Variants in CNTNAP2 observed in about 807,000 individuals in gnomAD.
CNTNAP2 encodes the protein contactin associated protein 2.
A neutral mutation model predicts 155.2 loss-of-function variants in CNTNAP2; 98 were observed. The ratio of observed to expected loss-of-function variants is 0.63; its 90% CI spans 0.54 to 0.75. The LOEUF is 0.75. Among genes scored for constraint, CNTNAP2 ranks in the 30% least tolerant of loss-of-function variants. The probability of loss-of-function intolerance (pLI) is 0.00; values close to 1 mark genes in which losing one functional copy is unlikely to be tolerated. For missense variants in CNTNAP2, 1,727 were observed against 1,688.1 expected, an observed-to-expected ratio of 1.02 and a Z score of -0.40; for synonymous variants, 651 against 631.2, an observed-to-expected ratio of 1.03 and a Z score of -0.47.
At chr7:146,695,280 C>G (rs1029528061) in intron 1 of CNTNAP2, among the ~76,000 whole-genome samples, 2 of 152,208 alleles carry the variant, frequency 1.3e-5, no homozygotes, top group Admixed American at 6.5e-5. Flanking sequence ...CTAATTTGTT[C>G]AGAGTTTTTA....
At chr7:147,624,771 AT>A (rs1305639397) in intron 12 of CNTNAP2, among the ~76,000 whole-genome samples, 1 of 152,198 alleles carries the variant, frequency 6.6e-6, no homozygotes, top group Non-Finnish European at 1.5e-5. Flanking sequence ...ACACAAAAGA[AT>A]GGAAATCAGT....
At position 146,312,805 on chromosome 7, in the gene CNTNAP2, C is replaced by T. The variant is rs529301168; in HGVS notation, c.97+195832C>T. On this transcript the variant is annotated intron_variant, in intron 1 of 23. Coordinates refer to ENST00000361727, the MANE Select transcript of CNTNAP2 (RefSeq NM_014141.6). ...GAGTCCATATATAAGTGAGATCATA[C>T]CGTATTTGTCTTTCTGTGTTTAGCT... is the stretch of plus-strand genomic sequence containing the variant. Among the ~76,000 whole-genome samples the T allele has an allele frequency of 2.0e-4, 30 of 152,194 alleles. 1 individual carries two copies. In the South Asian group the frequency reaches 6.2e-3, roughly 32 times the overall value.
intron 9 of CNTNAP2, among the ~76,000 whole-genome samples, chr7:147,343,803 G>A (rs1795802051): frequency 6.6e-6 from 1 of 151,982 alleles, no homozygotes; most frequent in Admixed American, 6.6e-5. Context: ...ATCTTCATGT[G>A]AGTGTGTGTC....
chr7:147,050,095 G>GT (rs1448900980), intron 4 of CNTNAP2, among the ~76,000 whole-genome samples: 18 of 152,114 alleles, frequency 1.2e-4, no homozygotes, highest in African/African-American at 3.9e-4. Context: ...TTTCCCTCAA[G>GT]TTTAGTTGAA....
intron 8 of CNTNAP2, among the ~76,000 whole-genome samples, chr7:147,143,379 A>G (rs1052407921): frequency 6.6e-6 from 1 of 152,182 alleles, no homozygotes; most frequent in Non-Finnish European, 1.5e-5. Flanking sequence ...AATCCTTTAC[A>G]AATTTTAAAT....
chr7:146,703,406 T>TG (rs1311984756), intron 1 of CNTNAP2, among the ~76,000 whole-genome samples: 1 of 152,172 alleles, frequency 6.6e-6, no homozygotes, highest in Non-Finnish European at 1.5e-5. Flanking sequence ...AACTCTGTCA[T>TG]GCTTAATGTT....
intron 1 of CNTNAP2, among the ~76,000 whole-genome samples, chr7:146,470,418 A>G (rs927179735): frequency 4.6e-5 from 7 of 152,180 alleles, no homozygotes; most frequent in Non-Finnish European, 1.5e-5. Flanking sequence ...AATGCCTAGC[A>G]CATATGACTC....
At chr7:147,720,162 C>T (rs958304393) in intron 13 of CNTNAP2, among the ~76,000 whole-genome samples, 3 of 152,106 alleles carry the variant, frequency 2.0e-5, no homozygotes, top group African/African-American at 7.2e-5. Flanking sequence ...TTTGTCTAAA[C>T]TGACCTGTAT....
In CNTNAP2 at chr7:147,639,148, A is replaced by G; in HGVS notation, c.1940A>G (p.Gln647Arg). Residue 647 changes from glutamine (Q) to arginine (R), a missense_variant, in exon 13 of 24, where the codon CAG (glutamine) becomes CGG (arginine). Physicochemically the swap from Gln to Arg is conservative, Grantham distance 43. Coordinates refer to ENST00000361727, the MANE Select transcript of CNTNAP2 (RefSeq NM_014141.6). ...WTIVSHDLQM[Q>R]TPVVGYNPEK... Reference sequence around the variant, plus strand: ...ATAGTGTCTCATGACTTGCAGATGCAGACGCCTGTGGTCGGCTACAACCCA... The same window carrying G: ...ATAGTGTCTCATGACTTGCAGATGCGGACGCCTGTGGTCGGCTACAACCCA... The G allele has an allele frequency of 6.2e-7, 1 of 1,614,176 alleles. No homozygotes were observed. Among genetic ancestry groups the G allele is most frequent in the South Asian group, 1.1e-5 (1 of 91,090 alleles).
chr7:146,615,280 T>C (rs1240793949), intron 1 of CNTNAP2, among the ~76,000 whole-genome samples: 1 of 152,176 alleles, frequency 6.6e-6, no homozygotes, highest in Non-Finnish European at 1.5e-5. Context: ...TCACATTGTT[T>C]ACAAGTTACT....
chr7:147,694,694 T>C (rs1796137401), intron 13 of CNTNAP2, among the ~76,000 whole-genome samples: 1 of 152,184 alleles, frequency 6.6e-6, no homozygotes, highest in Non-Finnish European at 1.5e-5. Flanking sequence ...TCATTTCTGC[T>C]AGTAGTAGTT....
chr7:146,982,049 T>G (rs1798028195), intron 3 of CNTNAP2, among the ~76,000 whole-genome samples: 1 of 152,212 alleles, frequency 6.6e-6, no homozygotes, highest in African/African-American at 2.4e-5. Context: ...TTTCATACAA[T>G]TTTCCTACAT....
chr7:146,253,179 A>G (rs111682987), intron 1 of CNTNAP2, among the ~76,000 whole-genome samples: 6,329 of 152,286 alleles, frequency 0.042, 398 homozygotes, highest in African/African-American at 0.14. Context: ...ACAGACACAC[A>G]GAAGTGCTGC....
chr7:147,009,211 CATGT>C (rs1161370956), intron 3 of CNTNAP2, among the ~76,000 whole-genome samples: 2 of 152,056 alleles, frequency 1.3e-5, no homozygotes, highest in East Asian at 3.9e-4. Flanking sequence ...CTCTTGCTAA[CATGT>C]ATGTCTTACT....
chr7:146,668,921 A>G (rs1001775418), intron 1 of CNTNAP2, among the ~76,000 whole-genome samples: 1 of 151,894 alleles, frequency 6.6e-6, no homozygotes, highest in Admixed American at 6.6e-5. Context: ...ATATTGTATG[A>G]TTTCAATCAT....
intron 8 of CNTNAP2, among the ~76,000 whole-genome samples, chr7:147,253,534 T>G (rs532012797): frequency 6.6e-6 from 1 of 152,058 alleles, no homozygotes; most frequent in Non-Finnish European, 1.5e-5. Flanking sequence ...AGGATCCACA[T>G]TGGGAACAGG....
intron 1 of CNTNAP2, among the ~76,000 whole-genome samples, chr7:146,192,899 G>T (rs1026319902): frequency 6.6e-6 from 1 of 152,170 alleles, no homozygotes; most frequent in Non-Finnish European, 1.5e-5. Flanking sequence ...AGATACAATG[G>T]AGGCACAGGC....
At chr7:146,933,870 G>T (rs1207150967) in intron 3 of CNTNAP2, among the ~76,000 whole-genome samples, 1 of 151,972 alleles carries the variant, frequency 6.6e-6, no homozygotes, top group Admixed American at 6.6e-5. Flanking sequence ...TTAGAGAAAT[G>T]CAAATCAAAA....
At chr7:147,616,582 T>C (rs1339991140) in intron 12 of CNTNAP2, among the ~76,000 whole-genome samples, 1 of 152,206 alleles carries the variant, frequency 6.6e-6, no homozygotes, top group East Asian at 1.9e-4. Context: ...CTCTTCCCAT[T>C]GATCTTCATA....
Sources: allele counts gnomAD v4.1 joint callset (sites outside exome capture counted in the v4.1 genomes callset), GRCh38; gene constraint gnomAD v4.1.1; transcripts MANE v1.5; gene names NCBI Gene and HGNC (gene_info 2026-07-23, HGNC 2026-07-21).